Variants in PON2 observed in about 807,000 individuals in gnomAD.
PON2 encodes serum paraoxonase/arylesterase 2.
PON2 carries 27 observed loss-of-function variants against 36.6 expected under a neutral mutation model. The observed-to-expected ratio is 0.74, with a 90% CI of 0.54 to 1.02. The LOEUF is 1.02. Among genes scored for constraint, PON2 ranks in the 50% least tolerant of loss-of-function variants. The probability of loss-of-function intolerance (pLI) is 0.00; values close to 1 mark genes in which losing one functional copy is unlikely to be tolerated. For synonymous variants in PON2, 149 were observed against 156.3 expected (o/e 0.95, Z 0.35); for missense variants, 363 against 421.1 (o/e 0.86, Z 1.21).
chr7:95,424,891 G>A (rs1313525407), intron 1 of PON2, among the ~76,000 whole-genome samples: 1 of 152,070 alleles, frequency 6.6e-6, no homozygotes, highest in Non-Finnish European at 1.5e-5. Context: ...ACAGCACCAT[G>A]TCACATTTCT....
rs77243171 is a variant in PON2 at position 95,426,803 on chromosome 7, T to C, written c.75-2218A>G. Among the ~76,000 whole-genome samples, 639 of 152,342 alleles carry C rather than the reference T, an allele frequency of 4.2e-3. 7 individuals carry two copies. The highest frequency in any genetic ancestry group is 0.014 in the African/African-American group (596 of 41,584). On this transcript the variant is annotated intron_variant, in intron 1 of 8. Transcript: ENST00000222572. ...TACACCAAGTTTTAGTATCATGCATTGGTTTGGATGTCAATTTTACACAAC... is the reference window on the plus strand; with the variant it reads ...TACACCAAGTTTTAGTATCATGCATCGGTTTGGATGTCAATTTTACACAAC...
At chr7:95,424,836 T>C (rs192809314) in intron 1 of PON2, among the ~76,000 whole-genome samples, 1 of 151,662 alleles carries the variant, frequency 6.6e-6, no homozygotes, top group African/African-American at 2.4e-5. Flanking sequence ...AGCCAATAAC[T>C]CAACAAATAA....
At chr7:95,415,092 C>G (rs1316611667) in intron 3 of PON2, 1 of 152,188 alleles carries the variant, frequency 6.6e-6, no homozygotes, top group Non-Finnish European at 1.5e-5. Context: ...TTTCACATCC[C>G]TCTTGAGTCT....
chr7:95,435,028 T>A lies in PON2; in HGVS notation c.-77A>T, dbSNP rs953746104. ...GGGCGGTGCCATCTTCCCGGCTCGA[T>A]GGTGCCGGCCGCGCTCCGCCCCGTC... On this transcript the variant is annotated 5_prime_UTR_variant, in exon 1 of 9. Transcript: ENST00000222572. The A allele has an allele frequency of 4.3e-6, 6 of 1,402,096 alleles. No homozygotes were observed. In the Admixed American group the frequency reaches 1.3e-4, roughly 31 times the overall value. 86.9% of individuals were successfully genotyped at this position (1,402,096 alleles called of 1,614,324 possible). A position where few individuals can be genotyped will look rare whatever the true frequency, so the allele number is the denominator to read the frequency against.
chr7:95,406,352 C>T, intron 7 of PON2, 105 bp from the exon 8 acceptor site: 1 of 1,277,386 alleles, frequency 7.8e-7, no homozygotes, highest in Non-Finnish European at 1.1e-6. Context: ...TTACACATCG[C>T]CCTGCTTCCA....
chr7:95,424,467 A>T, intron 2 of PON2, 48 bp downstream of exon 2: 1 of 1,488,110 alleles, frequency 6.7e-7, no homozygotes, highest in Non-Finnish European at 9.4e-7. Flanking sequence ...TTTTAATGTT[A>T]ATGGCCAAAA....
rs1788926658 is a variant in PON2 at position 95,411,633 on chromosome 7, G to T, written c.494+20C>A. ...CAAATGCTGGGGATAAATTAGAGAA[G>T]GAACAAAATGAGGAAGTACCTTGGA... is the stretch of plus-strand genomic sequence containing the variant. On this transcript the variant is annotated intron_variant, in intron 5 of 8. Coordinates refer to ENST00000222572, the MANE Select transcript of PON2 (RefSeq NM_000305.3). 4.3e-6 allele frequency: 7 copies of T among 1,613,648 alleles called. No homozygotes were observed. In the East Asian group the frequency reaches 1.6e-4, roughly 36 times the overall value.
intron 7 of PON2, among the ~76,000 whole-genome samples, chr7:95,406,511 T>G (rs1809698810): frequency 6.6e-6 from 1 of 152,198 alleles, no homozygotes; most frequent in South Asian, 2.1e-4. Context: ...CTTTAAAAGA[T>G]GCACAATGAT....
chr7:95,428,602 C>T (rs1789367810), intron 1 of PON2, among the ~76,000 whole-genome samples: 1 of 152,138 alleles, frequency 6.6e-6, no homozygotes, highest in South Asian at 2.1e-4. Context: ...AAAATATCTG[C>T]TGTTAGACAT....
chr7:95,433,587 A>G (rs1236055093), intron 1 of PON2, among the ~76,000 whole-genome samples: 1 of 146,346 alleles, frequency 6.8e-6, no homozygotes, highest in African/African-American at 2.5e-5. Flanking sequence ...TTGAAGCACT[A>G]TTGGGCCTAT....
At chr7:95,406,853 T>A in intron 7 of PON2, 134 bp downstream of exon 7, 1 of 605,188 alleles carries the variant, frequency 1.7e-6, no homozygotes, top group South Asian at 2.2e-5. Flanking sequence ...TCTCTAGTTG[T>A]AGGGAGTATT....
rs574714594 is a variant in PON2, at chr7:95,411,193, A to G, written c.494+460T>C. 6.6e-5 allele frequency among the ~76,000 whole-genome samples: 10 copies of G among 152,278 alleles called. No individual in the cohort carries two copies. The South Asian group carries it at 2.1e-3, about 32-fold the overall frequency. On this transcript the variant is annotated intron_variant, in intron 5 of 8. Transcript: ENST00000222572. ...AATTCTGTGGGATTACTAGCATGCA[A>G]CCATCACTAACCCTATGAAAGCGAT...
At chr7:95,433,276 A>AT (rs1368174196) in intron 1 of PON2, among the ~76,000 whole-genome samples, 1 of 151,850 alleles carries the variant, frequency 6.6e-6, no homozygotes, top group Non-Finnish European at 1.5e-5. Flanking sequence ...TTATTTATTC[A>AT]TTTTGTAGAG....
intron 3 of PON2, among the ~76,000 whole-genome samples, chr7:95,414,673 CTACTT>C (rs1789020563): frequency 6.6e-6 from 1 of 152,188 alleles, no homozygotes; most frequent in Admixed American, 6.5e-5. Context: ...CAACTGCCTT[CTACTT>C]TATTCAGAAT....
intron 2 of PON2, among the ~76,000 whole-genome samples, chr7:95,418,889 G>A (rs1789132090): frequency 6.6e-6 from 1 of 152,128 alleles, no homozygotes; most frequent in African/African-American, 2.4e-5. Flanking sequence ...GGTGTGGTGA[G>A]CCCTTATATA....
intron 2 of PON2, among the ~76,000 whole-genome samples, chr7:95,419,535 C>G (rs1789145427): frequency 1.3e-5 from 2 of 152,134 alleles, no homozygotes; most frequent in African/African-American, 4.8e-5. Flanking sequence ...AAGTGTTCAC[C>G]AGCATCCATG....
chr7:95,416,243 A>G lies in PON2; in HGVS notation c.200T>C (p.Val67Ala). ...TTGGGGAAGGAAGAAGACACTCACC[A>G]CACTAAAAAAAGCCAGACCATTGGG... ...ILPNGLAFFSVGLKFPGLHSF... is the reference protein window; with the variant it reads ...ILPNGLAFFSAGLKFPGLHSF... The change falls in exon 3 of 9, where the codon GTG becomes GCG. Residue 67 changes from valine (V) to alanine (A), a missense_variant and splice_region_variant. Transcript: ENST00000222572. The G allele has an allele frequency of 1.2e-6, 2 of 1,612,242 alleles. No homozygotes were observed. The highest frequency in any genetic ancestry group is 1.7e-6 in the Non-Finnish European group (2 of 1,178,300).
In PON2 at chr7:95,405,374, GCAGC is replaced by G; in HGVS notation, c.1017_1020del (p.Lys339AsnfsTer3). On this transcript the variant is annotated frameshift_variant, in exon 9 of 9. Coordinates refer to ENST00000222572, the MANE Select transcript of PON2 (RefSeq NM_000305.3). LOFTEE classifies it high-confidence loss of function. ...GCTCTGTGGTATAAAGTGCCTATGA[GCAGC>G]TTCCCATCATACACTGAGGCTACAG... 1 of 1,613,944 alleles carries G rather than the reference GCAGC, an allele frequency of 6.2e-7. No homozygotes were observed. The highest frequency in any genetic ancestry group is 8.5e-7 in the Non-Finnish European group (1 of 1,179,874).
intron 2 of PON2, among the ~76,000 whole-genome samples, chr7:95,417,108 A>G (rs989541233): frequency 6.6e-6 from 1 of 152,176 alleles, no homozygotes; most frequent in Non-Finnish European, 1.5e-5. Flanking sequence ...AAACCATGAC[A>G]CATTCTTTGA....
Sources: allele counts gnomAD v4.1 joint callset (sites outside exome capture counted in the v4.1 genomes callset), GRCh38; gene constraint gnomAD v4.1.1; transcripts MANE v1.5; gene names NCBI Gene and HGNC (gene_info 2026-07-23, HGNC 2026-07-21).